Variants in CPVL observed in about 807,000 individuals in gnomAD.
The protein encoded by CPVL is probable serine carboxypeptidase CPVL.
In CPVL, 51 loss-of-function variants were observed where a neutral mutation model predicts 63.7. That is an observed-to-expected ratio of 0.80 (90% CI 0.64 to 1.01). The LOEUF (loss-of-function observed/expected upper bound fraction) is 1.01, where lower values mean the gene tolerates loss of function less well. Among genes scored for constraint, CPVL ranks in the 50% least tolerant of loss-of-function variants. CPVL has a pLI of 0.00. For synonymous variants in CPVL, 195 were observed against 206.0 expected (o/e 0.95, Z 0.46); for missense variants, 530 against 573.1 (o/e 0.92, Z 0.77).
intron 12 of CPVL, among the ~76,000 whole-genome samples, chr7:29,017,369 C>CA (rs1359991640): frequency 1.3e-5 from 2 of 152,228 alleles, no homozygotes; most frequent in Non-Finnish European, 2.9e-5. Flanking sequence ...CGTGGTGGCT[C>CA]ACGCCTGTAA....
chr7:29,023,280 G>A (rs1241507930), intron 12 of CPVL, among the ~76,000 whole-genome samples: 1 of 152,194 alleles, frequency 6.6e-6, no homozygotes, highest in East Asian at 1.9e-4. Context: ...GGCTGTGGCA[G>A]GGGGGCTCAC....
rs1489531315 is a variant in CPVL, at chr7:28,995,831, C to T, written c.1372G>A (p.Ala458Thr). The T allele has an allele frequency of 2.5e-6, 4 of 1,607,496 alleles. No individual in the cohort carries two copies. The East Asian group carries it at 9.0e-5, about 36-fold the overall frequency. ...ATGAATCGATTAATCATGTCAAAAGCTCTCAGAGGCTGGTCATAGGGTAAA... is the reference window on the plus strand; with the variant it reads ...ATGAATCGATTAATCATGTCAAAAGTTCTCAGAGGCTGGTCATAGGGTAAA... ...HILPYDQPLRAFDMINRFIYG... is the reference protein window; with the variant it reads ...HILPYDQPLRTFDMINRFIYG... Residue 458 changes from alanine (A) to threonine (T), a missense_variant, in exon 13 of 13, where the codon GCT (alanine) becomes ACT (threonine). Physicochemically the swap from Ala to Thr is moderately conservative, Grantham distance 58 (BLOSUM62 0). Coordinates refer to ENST00000265394, the MANE Select transcript of CPVL (RefSeq NM_031311.5).
At chr7:29,042,533 A>G (rs1035813037) in intron 11 of CPVL, among the ~76,000 whole-genome samples, 1 of 152,138 alleles carries the variant, frequency 6.6e-6, no homozygotes, top group Non-Finnish European at 1.5e-5. Context: ...TGAACCCAGG[A>G]GGTTGAGGTT....
chr7:29,024,384 G>C (rs1787293277), intron 12 of CPVL, among the ~76,000 whole-genome samples: 1 of 152,170 alleles, frequency 6.6e-6, no homozygotes, highest in Non-Finnish European at 1.5e-5. Context: ...CATTTTGGGT[G>C]TTCCAGAAGA....
chr7:29,071,775 C>T lies in CPVL; in HGVS notation c.862G>A (p.Glu288Lys), dbSNP rs761413761. The change falls in exon 9 of 13, where the codon GAA becomes AAA. Residue 288 changes from glutamate to lysine, a missense_variant and splice_region_variant. Glu to Lys is a moderately conservative substitution (Grantham distance 56, BLOSUM62 1). Coordinates refer to ENST00000265394, the MANE Select transcript of CPVL (RefSeq NM_031311.5). ...AGCACAGGGCCCCCAGAACTCACTT[C>T]AAAGGCCTCAAACCAGTTCTGCTTC... ...IRKQNWFEAF[E>K]ILDKLLDGDL... The T allele has an allele frequency of 1.5e-6, 2 of 1,370,670 alleles. No homozygotes were observed. The highest frequency in any genetic ancestry group is 1.5e-5 in the African/African-American group (1 of 65,898). The allele number at this position is 1,370,670 out of a possible 1,614,324, so 84.9% of individuals were successfully genotyped here.
At chr7:29,103,179 CTGG>C (rs74846398) in intron 3 of CPVL, among the ~76,000 whole-genome samples, 291 of 6,520 alleles carry the variant, frequency 0.045, 6 homozygotes, top group Non-Finnish European at 0.062. Context: ...AGTTAATATA[CTGG>C]GGGGGGGGGG....
chr7:29,139,540 AG>A (rs1161941328), intron 1 of CPVL, among the ~76,000 whole-genome samples: 2 of 134,178 alleles, frequency 1.5e-5, no homozygotes, highest in African/African-American at 5.5e-5. Context: ...TTGGGGGGGC[AG>A]GGGGGCTACA....
At chr7:29,131,252 G>A (rs918058737) in intron 1 of CPVL, among the ~76,000 whole-genome samples, 1 of 152,034 alleles carries the variant, frequency 6.6e-6, no homozygotes, top group African/African-American at 2.4e-5. Context: ...TTTCAAATAA[G>A]AACATTAGGA....
At chr7:29,114,543 T>C (rs956763791) in intron 2 of CPVL, among the ~76,000 whole-genome samples, 8 of 151,770 alleles carry the variant, frequency 5.3e-5, no homozygotes, top group Non-Finnish European at 1.2e-4. Context: ...GGTGGGAGGA[T>C]CACTTGAGCC....
intron 1 of CPVL, among the ~76,000 whole-genome samples, chr7:29,138,298 G>A (rs1791456330): frequency 6.6e-6 from 1 of 152,154 alleles, no homozygotes; most frequent in Admixed American, 6.5e-5. Flanking sequence ...AAATTAGCCA[G>A]GCTTGGTGGT....
At chr7:29,064,785 C>G (rs144887188) in intron 10 of CPVL, among the ~76,000 whole-genome samples, 6,918 of 152,060 alleles carry the variant, frequency 0.045, 218 homozygotes, top group Non-Finnish European at 0.075. Flanking sequence ...CTAATGCTAT[C>G]CCTCCCCCCT....
chr7:29,086,613 G>T, intron 6 of CPVL, 63 bp from the exon 7 acceptor site: 2 of 1,198,156 alleles, frequency 1.7e-6, no homozygotes, highest in Non-Finnish European at 1.2e-6. Flanking sequence ...ATCTCTTCAT[G>T]CTAGGATATC....
At chr7:29,056,667 A>G (rs1790763180) in intron 11 of CPVL, among the ~76,000 whole-genome samples, 1 of 152,208 alleles carries the variant, frequency 6.6e-6, no homozygotes, top group Non-Finnish European at 1.5e-5. Flanking sequence ...GTGTGGACAC[A>G]AGCTTACAGT....
intron 5 of CPVL, among the ~76,000 whole-genome samples, chr7:29,159,227 TA>T (rs910191212): frequency 7.2e-5 from 11 of 152,188 alleles, no homozygotes; most frequent in African/African-American, 2.7e-4. Flanking sequence ...CCTTGAAAAT[TA>T]TTCAGCTTCT....
At chr7:29,122,910 G>A (rs1789525442) in intron 1 of CPVL, among the ~76,000 whole-genome samples, 1 of 151,888 alleles carries the variant, frequency 6.6e-6, no homozygotes, top group Non-Finnish European at 1.5e-5. Flanking sequence ...CCCTAATCCT[G>A]ACCTTGCTAA....
At chr7:29,050,689 A>G (rs943289111) in intron 11 of CPVL, among the ~76,000 whole-genome samples, 2 of 152,168 alleles carry the variant, frequency 1.3e-5, no homozygotes, top group South Asian at 4.1e-4. Context: ...TACAAATTCA[A>G]TGCAATCCTC....
chr7:29,034,747 C>T (rs897122699), intron 11 of CPVL, among the ~76,000 whole-genome samples: 1 of 151,218 alleles, frequency 6.6e-6, no homozygotes. Context: ...ACCATGTTGC[C>T]AAGGCTGCTC....
At chr7:29,192,546 G>C (rs1783026527) in intron 1 of CPVL, 2 of 152,320 alleles carry the variant, frequency 1.3e-5, no homozygotes, top group South Asian at 4.1e-4. Flanking sequence ...CAGTTGATTA[G>C]TTATCTCCAG....
In CPVL at chr7:29,066,216, T is replaced by C. The variant is rs573611163; in HGVS notation, c.865-95A>G. ...TTGTCATTTCATTTATTCAACAACTTTTTCATTCCTTTATTGTTTCATCCA... is the reference window on the plus strand; with the variant it reads ...TTGTCATTTCATTTATTCAACAACTCTTTCATTCCTTTATTGTTTCATCCA... On this transcript the variant is annotated intron_variant, in intron 9 of 12. Transcript: ENST00000265394. 160 of 701,512 alleles carry C rather than the reference T, an allele frequency of 2.3e-4. No individual in the cohort carries two copies. In the African/African-American group the frequency reaches 2.4e-3, roughly 11 times the overall value. 43.5% of individuals were successfully genotyped at this position (701,512 alleles called of 1,614,324 possible).
Sources: allele counts gnomAD v4.1 joint callset (sites outside exome capture counted in the v4.1 genomes callset), GRCh38; gene constraint gnomAD v4.1.1; transcripts MANE v1.5; gene names NCBI Gene and HGNC (gene_info 2026-07-23, HGNC 2026-07-21).